TRPC1: variants seen among roughly 807,000 people sequenced by gnomAD.
TRPC1 encodes the protein transient receptor potential cation channel subfamily C member 1.
A neutral mutation model predicts 88.2 loss-of-function variants in TRPC1; 42 were observed. The observed-to-expected ratio is 0.48, with a 90% confidence interval of 0.37 to 0.62. The LOEUF is 0.62. TRPC1 is among the 20% of genes least tolerant of loss of function. The pLI is 0.00. For synonymous variants in TRPC1, 288 were observed against 331.8 expected (o/e 0.87, Z 1.43); for missense variants, 699 against 957.3 (o/e 0.73, Z 3.56).
intron 6 of TRPC1, among the ~76,000 whole-genome samples, chr3:142,783,843 CAT>C (rs1936041477): frequency 2.0e-5 from 3 of 152,136 alleles, no homozygotes; most frequent in South Asian, 2.1e-4. Flanking sequence ...AACCTGATCA[CAT>C]GAGTATATAT....
intron 2 of TRPC1, among the ~76,000 whole-genome samples, chr3:142,741,361 T>G (rs1390146417): frequency 2.0e-5 from 3 of 152,120 alleles, no homozygotes; most frequent in East Asian, 3.9e-4. Flanking sequence ...TTGAAAGATT[T>G]AATGTAAATC....
rs555711062 is a variant in TRPC1 at position 142,796,103 on chromosome 3, CTT to C, written c.1581+3139_1581+3140del. Among the ~76,000 whole-genome samples the C allele has an allele frequency of 2.2e-4, 33 of 152,146 alleles. No homozygotes were observed. The South Asian group carries it at 4.6e-3, about 21-fold the overall frequency. ...TCACAACCATTCTAAGAGGCAGACTCTTTTATTTCCATTTTACAGAGGAAGAA... is the reference window on the plus strand; with the variant it reads ...TCACAACCATTCTAAGAGGCAGACTCTTATTTCCATTTTACAGAGGAAGAA... On this transcript the variant is annotated intron_variant, in intron 9 of 12. Coordinates refer to ENST00000476941, the MANE Select transcript of TRPC1 (RefSeq NM_001251845.2).
chr3:142,726,197 C>T (rs1341620018), intron 1 of TRPC1, among the ~76,000 whole-genome samples: 1 of 152,054 alleles, frequency 6.6e-6, no homozygotes, highest in Admixed American at 6.5e-5. Flanking sequence ...TCCATGTATT[C>T]CAGCTCACTG....
rs111970146 is a variant in TRPC1 at position 142,794,754 on chromosome 3, C to T, written c.1581+1787C>T. Among the ~76,000 whole-genome samples, 452 of 152,190 alleles carry T rather than the reference C, an allele frequency of 3.0e-3. 1 individual carries two copies. The highest frequency in any genetic ancestry group is 4.8e-3 in the Non-Finnish European group (327 of 68,004). ...GCAGGGAAAGAACCATCTCATCCGACGGGATTAGAAGAATACTCAGAAGGG... is the reference window on the plus strand; with the variant it reads ...GCAGGGAAAGAACCATCTCATCCGATGGGATTAGAAGAATACTCAGAAGGG... On this transcript the variant is annotated intron_variant, in intron 9 of 12. Transcript: ENST00000476941.
chr3:142,750,102 C>G (rs1401163991), intron 4 of TRPC1, among the ~76,000 whole-genome samples: 2 of 152,094 alleles, frequency 1.3e-5, no homozygotes, highest in African/African-American at 2.4e-5. Context: ...AGCTTCTGCA[C>G]AGCAAAAGAA....
intron 2 of TRPC1, among the ~76,000 whole-genome samples, chr3:142,740,215 T>C (rs566946960): frequency 6.6e-6 from 1 of 152,330 alleles, no homozygotes; most frequent in South Asian, 2.1e-4. Flanking sequence ...ATATTTTGAT[T>C]TGGAGTGGGA....
chr3:142,795,090 G>A (rs982091114), intron 9 of TRPC1, among the ~76,000 whole-genome samples: 1 of 152,058 alleles, frequency 6.6e-6, no homozygotes, highest in African/African-American at 2.4e-5. Flanking sequence ...CACTGGATGT[G>A]ATTAATGACA....
intron 7 of TRPC1, among the ~76,000 whole-genome samples, chr3:142,787,364 AACTT>A (rs1406462976): frequency 2.0e-5 from 3 of 152,192 alleles, no homozygotes; most frequent in African/African-American, 7.2e-5. Flanking sequence ...TGCTTGGTTC[AACTT>A]ACTATTTCAA....
chr3:142,794,045 T>G, intron 9 of TRPC1: 1 of 268,484 alleles, frequency 3.7e-6, no homozygotes, highest in Non-Finnish European at 5.7e-6. Context: ...AGAAAAAAAT[T>G]TGTTTAACCT....
At chr3:142,783,360 A>G (rs988586620) in intron 6 of TRPC1, among the ~76,000 whole-genome samples, 1 of 152,210 alleles carries the variant, frequency 6.6e-6, no homozygotes, top group Non-Finnish European at 1.5e-5. Flanking sequence ...TTTCCCAAGA[A>G]CATTGGAATC....
intron 10 of TRPC1, among the ~76,000 whole-genome samples, chr3:142,802,639 C>G (rs772939820): frequency 1.3e-5 from 2 of 151,936 alleles, no homozygotes; most frequent in Non-Finnish European, 2.9e-5. Context: ...TTTGTCATTC[C>G]TATGTATTGC....
chr3:142,729,843 A>G (rs1933825353), intron 1 of TRPC1, among the ~76,000 whole-genome samples: 1 of 152,184 alleles, frequency 6.6e-6, no homozygotes, highest in Admixed American at 6.5e-5. Context: ...AGGAGCCTAG[A>G]TGAATGATAA....
intron 4 of TRPC1, among the ~76,000 whole-genome samples, chr3:142,764,830 C>A (rs571752277): frequency 6.6e-6 from 1 of 152,170 alleles, no homozygotes; most frequent in East Asian, 1.9e-4. Context: ...GTTGTTATTT[C>A]TTTGAATAAG....
chr3:142,757,291 A>T (rs57110100), intron 4 of TRPC1, among the ~76,000 whole-genome samples: 5,744 of 150,948 alleles, frequency 0.038, 264 homozygotes, highest in African/African-American at 0.11. Flanking sequence ...TCTTTTTTTT[A>T]AAAAAAAATT....
In TRPC1 at chr3:142,759,534, G is replaced by C. The variant is rs550438142; in HGVS notation, c.632+11074G>C. 3.2e-4 allele frequency among the ~76,000 whole-genome samples: 49 copies of C among 152,168 alleles called. No homozygotes were observed. The East Asian group carries it at 8.7e-3, about 27-fold the overall frequency. ...TTTTTGATGGGGTTGATTTTTTCTT[G>C]TAAATTTGTTTAAGTTCTTTGTAGA... On this transcript the variant is annotated intron_variant, in intron 4 of 12. Transcript: ENST00000476941.
chr3:142,784,723 G>A lies in TRPC1; in HGVS notation c.980G>A (p.Cys327Tyr). ...NQKEFVSQSN[C>Y]QQFLNTVWFG... is the part of the protein sequence containing the mutation. ...TTTCAGTTTGTCTCCCAGTCTAACT[G>A]CCAGCAGTTCCTGAACACTGTTTGG... The change falls in exon 7 of 13, where the codon TGC becomes TAC. Residue 327 changes from cysteine (C) to tyrosine (Y), a missense_variant. By Grantham distance (194) the Cys-to-Tyr change is radical. Coordinates refer to ENST00000476941, the MANE Select transcript of TRPC1 (RefSeq NM_001251845.2). 1 of 1,611,690 alleles carries A rather than the reference G, an allele frequency of 6.2e-7. No individual in the cohort carries two copies. Among genetic ancestry groups the A allele is most frequent in the Non-Finnish European group, 8.5e-7 (1 of 1,178,682 alleles).
intron 1 of TRPC1, among the ~76,000 whole-genome samples, chr3:142,730,972 C>T (rs1013255550): frequency 2.0e-5 from 3 of 152,092 alleles, no homozygotes; most frequent in Non-Finnish European, 2.9e-5. Context: ...TAAAATCAAA[C>T]GAGATGCTAA....
At chr3:142,786,553 T>TAA in intron 7 of TRPC1, among the ~76,000 whole-genome samples, 1 of 152,174 alleles carries the variant, frequency 6.6e-6, no homozygotes, top group Admixed American at 6.5e-5. Context: ...TTCCTGTAGT[T>TAA]TTGCTCTTAT....
intron 4 of TRPC1, among the ~76,000 whole-genome samples, chr3:142,748,925 T>C (rs9289650): frequency 0.03 from 4,540 of 152,290 alleles, 241 homozygotes; most frequent in African/African-American, 0.1. Context: ...GTTTCTTCAA[T>C]TAAAAATGTT....
Sources: allele counts gnomAD v4.1 joint callset (sites outside exome capture counted in the v4.1 genomes callset), GRCh38; gene constraint gnomAD v4.1.1; transcripts MANE v1.5; gene names NCBI Gene and HGNC (gene_info 2026-07-23, HGNC 2026-07-21).